Variants in GALNTL6 observed in about 807,000 individuals in gnomAD.
GALNTL6 encodes the protein polypeptide N-acetylgalactosaminyltransferase-like 6.
In GALNTL6, 46 loss-of-function variants were observed where a neutral mutation model predicts 73.7. The observed-to-expected ratio is 0.62, with a 90% CI of 0.49 to 0.80. The LOEUF (loss-of-function observed/expected upper bound fraction) is 0.80, where lower values mean the gene tolerates loss of function less well. GALNTL6 is among the 30% of genes least tolerant of loss of function. GALNTL6 has a pLI of 0.00. For missense variants in GALNTL6, 604 were observed against 755.0 expected, an observed-to-expected ratio of 0.80 and a Z score of 2.34; for synonymous variants, 259 against 263.7, an observed-to-expected ratio of 0.98 and a Z score of 0.17.
In GALNTL6 at chr4:172,831,371, G is replaced by C. The variant is rs151138255; in HGVS notation, c.923+17648G>C. On this transcript the variant is annotated intron_variant, in intron 7 of 12. Coordinates refer to ENST00000506823, the MANE Select transcript of GALNTL6 (RefSeq NM_001034845.3). The stretch of plus-strand genomic sequence containing the variant: ...TGCATAAACACCCGCAACACACCAG[G>C]ATTCACCGAGTGTACTGCAGATGCT... Among the ~76,000 whole-genome samples, 187 of 152,204 alleles carry C rather than the reference G, an allele frequency of 1.2e-3. 1 individual carries two copies. The highest frequency in any genetic ancestry group is 3.9e-3 in the African/African-American group (160 of 41,510).
chr4:171,820,769 T>C (rs1422347906), intron 2 of GALNTL6, among the ~76,000 whole-genome samples: 1 of 152,184 alleles, frequency 6.6e-6, no homozygotes, highest in Admixed American at 6.5e-5. Flanking sequence ...TAATGTAATA[T>C]AATTAACACA....
intron 5 of GALNTL6, among the ~76,000 whole-genome samples, chr4:172,541,491 A>G (rs1375291880): frequency 1.3e-5 from 2 of 152,220 alleles, no homozygotes; most frequent in African/African-American, 4.8e-5. Flanking sequence ...AGACAGAGTG[A>G]GAGATCACGG....
At chr4:172,044,356 T>A (rs145402057) in intron 2 of GALNTL6, among the ~76,000 whole-genome samples, 75 of 152,068 alleles carry the variant, frequency 4.9e-4, no homozygotes, top group Non-Finnish European at 9.6e-4. Flanking sequence ...TACATGGCAC[T>A]TTAAAGAGAA....
rs559231063 is a variant in GALNTL6 at position 172,805,201 on chromosome 4, T to C, written c.554-4160T>C. 3.9e-5 allele frequency among the ~76,000 whole-genome samples: 6 copies of C among 152,306 alleles called. No individual in the cohort carries two copies. The South Asian group carries it at 1.2e-3, about 32-fold the overall frequency. On this transcript the variant is annotated intron_variant, in intron 5 of 12. Transcript: ENST00000506823. ...GCAACAGGACTAGGACTCATGTCTT[T>C]GACTCTTCTGACTATGCAAATTGCT... is the stretch of plus-strand genomic sequence containing the variant.
Position 171,890,352 on chromosome 4 carries a change from T to C in GALNTL6, c.138+75634T>C, listed in dbSNP as rs192266638. ...AATTCTTTCCTTCATTTGTTTCTTT[T>C]AAAATCCCAAAGGATATTTGTGATA... On this transcript the variant is annotated intron_variant, in intron 2 of 12. Transcript: ENST00000506823. 1.1e-4 allele frequency among the ~76,000 whole-genome samples: 17 copies of C among 152,294 alleles called. No individual in the cohort carries two copies. In the East Asian group the frequency reaches 1.5e-3, roughly 14 times the overall value.
chr4:171,818,485 A>G (rs1236462475), intron 2 of GALNTL6, among the ~76,000 whole-genome samples: 2 of 145,650 alleles, frequency 1.4e-5, no homozygotes, highest in South Asian at 2.2e-4. Context: ...TTAAATAAAA[A>G]TGAGGGCCAA....
chr4:172,626,213 G>A (rs1739164636), intron 5 of GALNTL6, among the ~76,000 whole-genome samples: 1 of 151,988 alleles, frequency 6.6e-6, no homozygotes, highest in African/African-American at 2.4e-5. Flanking sequence ...AAACGTAGGG[G>A]TCAGTTTCAT....
At chr4:172,705,056 T>C (rs556812867) in intron 5 of GALNTL6, among the ~76,000 whole-genome samples, 2 of 151,928 alleles carry the variant, frequency 1.3e-5, no homozygotes, top group East Asian at 3.9e-4. Flanking sequence ...CTATTTTTTC[T>C]ATTTAAATCA....
At chr4:171,864,200 T>G (rs1295086148) in intron 2 of GALNTL6, among the ~76,000 whole-genome samples, 1 of 152,224 alleles carries the variant, frequency 6.6e-6, no homozygotes, top group Non-Finnish European at 1.5e-5. Flanking sequence ...ATATCTTATC[T>G]TTAAAGGAAA....
At chr4:173,022,870 G>T (rs1051812189) in intron 12 of GALNTL6, among the ~76,000 whole-genome samples, 1 of 152,158 alleles carries the variant, frequency 6.6e-6, no homozygotes, top group Non-Finnish European at 1.5e-5. Context: ...CAACTTTTTA[G>T]AATACTTTAC....
chr4:172,248,458 G>A (rs781181020), intron 3 of GALNTL6, among the ~76,000 whole-genome samples: 3 of 152,120 alleles, frequency 2.0e-5, no homozygotes, highest in Non-Finnish European at 2.9e-5. Flanking sequence ...GACCCTAGAT[G>A]TGAGCATATG....
At chr4:172,710,235 C>T (rs1028062151) in intron 5 of GALNTL6, among the ~76,000 whole-genome samples, 1 of 152,058 alleles carries the variant, frequency 6.6e-6, no homozygotes, top group Non-Finnish European at 1.5e-5. Flanking sequence ...ATTTGGCAAA[C>T]TGGAACAACA....
chr4:172,053,569 G>A (rs562545252), intron 2 of GALNTL6, among the ~76,000 whole-genome samples: 9 of 152,120 alleles, frequency 5.9e-5, no homozygotes, highest in African/African-American at 2.2e-4. Context: ...AGAAACAAAG[G>A]GTTTTAAAGT....
chr4:172,087,215 A>G (rs902575518), intron 2 of GALNTL6, among the ~76,000 whole-genome samples: 12 of 152,204 alleles, frequency 7.9e-5, no homozygotes, highest in Non-Finnish European at 1.6e-4. Context: ...AGGCCGAGGC[A>G]GGCGGCTCAC....
At chr4:172,278,824 T>G (rs1359101705) in intron 3 of GALNTL6, among the ~76,000 whole-genome samples, 1 of 152,166 alleles carries the variant, frequency 6.6e-6, no homozygotes, top group African/African-American at 2.4e-5. Context: ...TCAAAACTTA[T>G]GACAAATCTG....
intron 10 of GALNTL6, among the ~76,000 whole-genome samples, chr4:173,000,444 G>A (rs1447274175): frequency 6.6e-6 from 1 of 152,138 alleles, no homozygotes. Context: ...CATGTTCATG[G>A]ATTTAAAAAC....
intron 5 of GALNTL6, among the ~76,000 whole-genome samples, chr4:172,484,944 A>G (rs1733617563): frequency 6.6e-6 from 1 of 152,146 alleles, no homozygotes; most frequent in African/African-American, 2.4e-5. Context: ...TTTATCTTTT[A>G]AATTAACTCG....
intron 10 of GALNTL6, among the ~76,000 whole-genome samples, chr4:172,994,824 A>C (rs1353277033): frequency 6.6e-6 from 1 of 152,192 alleles, no homozygotes; most frequent in Non-Finnish European, 1.5e-5. Flanking sequence ...CCAGGGCTAA[A>C]AGGTCATATC....
chr4:172,988,171 T>C (rs1424200209), intron 10 of GALNTL6, among the ~76,000 whole-genome samples: 1 of 152,158 alleles, frequency 6.6e-6, no homozygotes, highest in Non-Finnish European at 1.5e-5. Flanking sequence ...GCAACCAAAA[T>C]GCCAATAGTA....
Sources: gnomAD v4.1 joint callset for allele counts (sites outside exome capture counted in the v4.1 genomes callset) on GRCh38, gnomAD v4.1.1 for gene constraint, MANE v1.5 for transcripts, NCBI Gene and HGNC (gene_info 2026-07-23, HGNC 2026-07-21) for gene names.